The following RALGAPA2 variants were observed in gnomAD, a reference collection of about 807,000 sequenced individuals.
RALGAPA2 encodes ral GTPase-activating protein subunit alpha-2.
A neutral mutation model predicts 230.4 loss-of-function variants in RALGAPA2; 139 were observed. The observed-to-expected ratio is 0.60, with a 90% CI of 0.53 to 0.69. RALGAPA2 has a LOEUF of 0.69. RALGAPA2 is among the 30% of genes least tolerant of loss of function. The pLI is 0.00. For missense variants in RALGAPA2, 2,163 were observed against 2,276.0 expected, an observed-to-expected ratio of 0.95 and a Z score of 1.01; for synonymous variants, 847 against 837.8, an observed-to-expected ratio of 1.01 and a Z score of -0.19.
chr20:20,444,064 C>CTGGG lies in RALGAPA2; in HGVS notation c.5495+28761_5495+28764dup, dbSNP rs2060805105. ...TTACCCAGAATCTGTGGGGTGGGTG[C>CTGGG]TGGGCATCAGTCAATATTGGAACCC... On this transcript the variant is annotated intron_variant, in intron 37 of 39. Coordinates refer to ENST00000202677, the MANE Select transcript of RALGAPA2 (RefSeq NM_020343.4). Among the ~76,000 whole-genome samples the CTGGG allele has an allele frequency of 5.3e-5, 8 of 152,314 alleles. No individual in the cohort carries two copies. In the South Asian group the frequency reaches 1.7e-3, roughly 32 times the overall value.
intron 33 of RALGAPA2, among the ~76,000 whole-genome samples, chr20:20,510,183 C>T (rs1181802516): frequency 2.0e-5 from 3 of 152,186 alleles, no homozygotes; most frequent in African/African-American, 4.8e-5. Flanking sequence ...GCAGGAGAAG[C>T]TCATGACTTA....
rs137963312 is a variant in RALGAPA2 at position 20,615,374 on chromosome 20, T to C, written c.1688+669A>G. Among the ~76,000 whole-genome samples the C allele has an allele frequency of 8.3e-3, 1,256 of 151,914 alleles. 15 individuals carry two copies. Among genetic ancestry groups the C allele is most frequent in the Non-Finnish European group, 0.011 (726 of 67,936 alleles). ...ATGGGGTTTCACCATGTTAGGCAGG[T>C]TGGTCTCGAACTCCTGACATCAGAT... On this transcript the variant is annotated intron_variant, in intron 13 of 39. Transcript: ENST00000202677.
rs531033866 is a variant in RALGAPA2 at position 20,620,864 on chromosome 20, C to T, written c.1234-234G>A. ...GGCGTTAAAAATAACTTTTATAGGC[C>T]GGGCGCAGTGGCTCACGCCTGTAAT... On this transcript the variant is annotated intron_variant, in intron 10 of 39. Coordinates refer to ENST00000202677, the MANE Select transcript of RALGAPA2 (RefSeq NM_020343.4). 3.3e-5 allele frequency among the ~76,000 whole-genome samples: 5 copies of T among 152,258 alleles called. No individual in the cohort carries two copies. The East Asian group carries it at 5.8e-4, about 18-fold the overall frequency.
chr20:20,500,566 A>G (rs963436258), intron 35 of RALGAPA2, among the ~76,000 whole-genome samples: 2 of 152,202 alleles, frequency 1.3e-5, no homozygotes, highest in Non-Finnish European at 2.9e-5. Context: ...TTCTCTTGCT[A>G]TTTCTGCTAA....
At chr20:20,480,676 A>G (rs2061753679) in intron 36 of RALGAPA2, among the ~76,000 whole-genome samples, 1 of 152,184 alleles carries the variant, frequency 6.6e-6, no homozygotes, top group Admixed American at 6.5e-5. Context: ...CAGGGAAAAC[A>G]GTGCTGCTGC....
intron 36 of RALGAPA2, among the ~76,000 whole-genome samples, chr20:20,488,378 C>G (rs1252649575): frequency 2.0e-5 from 3 of 152,156 alleles, no homozygotes; most frequent in Admixed American, 6.5e-5. Flanking sequence ...CTCAGATTTG[C>G]CCACACTAAG....
chr20:20,441,208 C>G (rs1048123162), intron 37 of RALGAPA2, among the ~76,000 whole-genome samples: 2 of 152,220 alleles, frequency 1.3e-5, no homozygotes, highest in Admixed American at 1.3e-4. Flanking sequence ...CAAGAGGACT[C>G]TCACATATTT....
At chr20:20,658,309 G>A (rs1242754309) in intron 3 of RALGAPA2, among the ~76,000 whole-genome samples, 1 of 152,126 alleles carries the variant, frequency 6.6e-6, no homozygotes, top group African/African-American at 2.4e-5. Context: ...AAGTCTATGA[G>A]GTCAATAAAA....
At position 20,583,147 on chromosome 20, in the gene RALGAPA2, C is replaced by T. The variant is rs2065036328; in HGVS notation, c.2610G>A (p.Glu870=). 6.2e-7 allele frequency: 1 copy of T among 1,613,592 alleles called. No individual in the cohort carries two copies. The highest frequency in any genetic ancestry group is 2.2e-5 in the East Asian group (1 of 44,860). ...TGGGAGTATTCAGTTCTGGGTCTTCCTCACAGGTCTGCCATGGGCCCATGG... is the reference window on the plus strand; with the variant it reads ...TGGGAGTATTCAGTTCTGGGTCTTCTTCACAGGTCTGCCATGGGCCCATGG... ...ELSMGPWQTC[E]EDPELNTPTD... The change falls in exon 20 of 40, where the codon GAG becomes GAA. Residue 870 remains glutamate, a synonymous_variant. Coordinates refer to ENST00000202677, the MANE Select transcript of RALGAPA2 (RefSeq NM_020343.4).
At chr20:20,661,948 T>C (rs1319579453) in intron 3 of RALGAPA2, among the ~76,000 whole-genome samples, 2 of 152,004 alleles carry the variant, frequency 1.3e-5, no homozygotes, top group African/African-American at 2.4e-5. Flanking sequence ...AGCATGAAAA[T>C]AAAACAATGG....
Position 20,503,446 on chromosome 20 carries a change from G to T in RALGAPA2, c.5113C>A (p.Gln1705Lys). 1 of 1,608,060 alleles carries T rather than the reference G, an allele frequency of 6.2e-7. No individual in the cohort carries two copies. The highest frequency in any genetic ancestry group is 8.5e-7 in the Non-Finnish European group (1 of 1,177,304). The change falls in exon 35 of 40, where the codon CAG becomes AAG. Residue 1705 changes from glutamine (Q) to lysine (K), a missense_variant. Physicochemically the swap from Gln to Lys is moderately conservative, Grantham distance 53. Transcript: ENST00000202677. Reference protein sequence around the residue: ...GGLQRNGSTGQTAPYYATSTV... With the variant: ...GGLQRNGSTGKTAPYYATSTV... ...GAGGTAGCATAGTAAGGGGCCGTCT[G>T]CCCGGTGCTGCCATTGCGCTGAAGG...
chr20:20,518,149 G>A (rs934263533), intron 31 of RALGAPA2, among the ~76,000 whole-genome samples: 7 of 151,708 alleles, frequency 4.6e-5, no homozygotes, highest in Admixed American at 1.3e-4. Context: ...TCCGTCTCCC[G>A]GGTTCAAGTG....
At position 20,484,098 on chromosome 20, in the gene RALGAPA2, G is replaced by A. The variant is rs1484322971; in HGVS notation, c.5367+11019C>T. On this transcript the variant is annotated intron_variant, in intron 36 of 39. Transcript: ENST00000202677. Reference sequence around the variant, plus strand: ...CAGTTCCACAGGGATTATGAATTAAGAGGGTGTGTTTGTACTTGTGCATTT... The same window carrying A: ...CAGTTCCACAGGGATTATGAATTAAAAGGGTGTGTTTGTACTTGTGCATTT... 2.6e-5 allele frequency among the ~76,000 whole-genome samples: 4 copies of A among 152,164 alleles called. No homozygotes were observed. In the East Asian group the frequency reaches 7.7e-4, roughly 29 times the overall value.
At chr20:20,687,630 C>T (rs915925053) in intron 1 of RALGAPA2, among the ~76,000 whole-genome samples, 1 of 152,200 alleles carries the variant, frequency 6.6e-6, no homozygotes, top group East Asian at 1.9e-4. Context: ...CCAGCGAATA[C>T]AGACCCAACA....
chr20:20,571,279 G>C (rs1293250693), intron 23 of RALGAPA2, among the ~76,000 whole-genome samples, 179 bp downstream of exon 23: 5 of 152,196 alleles, frequency 3.3e-5, no homozygotes, highest in Admixed American at 3.3e-4. Context: ...GAAGAAGCAG[G>C]GATGTGAAAC....
Position 20,620,461 on chromosome 20 carries a change from A to G in RALGAPA2, c.1401+2T>C. On this transcript the variant is annotated splice_donor_variant, in intron 11 of 39. Transcript: ENST00000202677. LOFTEE classifies it high-confidence loss of function. ...ACTCAAAAGACAAGTGAAAAAAATTACCTCCTTGCTATCAGTCTCGGAAAA... is the reference window on the plus strand; with the variant it reads ...ACTCAAAAGACAAGTGAAAAAAATTGCCTCCTTGCTATCAGTCTCGGAAAA... The G allele has an allele frequency of 3.7e-6, 6 of 1,612,506 alleles. No individual in the cohort carries two copies. Among genetic ancestry groups the G allele is most frequent in the Non-Finnish European group, 4.2e-6 (5 of 1,179,396 alleles).
chr20:20,659,209 G>T (rs926562590), intron 3 of RALGAPA2, among the ~76,000 whole-genome samples: 6 of 152,214 alleles, frequency 3.9e-5, no homozygotes, highest in Non-Finnish European at 5.9e-5. Context: ...TACAAGTATA[G>T]TCTGATTTCA....
At chr20:20,704,412 C>G (rs887266996) in intron 1 of RALGAPA2, among the ~76,000 whole-genome samples, 6 of 152,308 alleles carry the variant, frequency 3.9e-5, no homozygotes, top group Admixed American at 3.9e-4. Flanking sequence ...ATGTTAGGTA[C>G]TCTTTCAACT....
intron 16 of RALGAPA2, among the ~76,000 whole-genome samples, chr20:20,592,370 C>T (rs536251650): frequency 6.6e-6 from 1 of 152,146 alleles, no homozygotes; most frequent in Non-Finnish European, 1.5e-5. Flanking sequence ...GTAGTACTAA[C>T]CCAGTTGGCA....
Sources: gnomAD v4.1 joint callset for allele counts (sites outside exome capture counted in the v4.1 genomes callset) on GRCh38, gnomAD v4.1.1 for gene constraint, MANE v1.5 for transcripts, NCBI Gene and HGNC (gene_info 2026-07-23, HGNC 2026-07-21) for gene names.